APLP1: variants seen among roughly 807,000 people sequenced by gnomAD.
The protein encoded by APLP1 is amyloid beta precursor like protein 1.
In APLP1, 46 loss-of-function variants were observed where a neutral mutation model predicts 84.5. That is an observed-to-expected ratio of 0.54 (90% CI 0.43 to 0.70). The LOEUF (loss-of-function observed/expected upper bound fraction) is 0.70, where lower values mean the gene tolerates loss of function less well. APLP1 is among the 30% of genes least tolerant of loss of function. The probability of loss-of-function intolerance (pLI) is 0.00; values close to 1 mark genes in which losing one functional copy is unlikely to be tolerated. For missense variants in APLP1, 826 were observed against 900.2 expected (o/e 0.92, Z 1.05); for synonymous variants, 376 against 364.0 (o/e 1.03, Z -0.38).
chr19:35,872,284 G>A (rs1357745394), intron 6 of APLP1, among the ~76,000 whole-genome samples, 199 bp from the exon 7 acceptor site: 1 of 152,116 alleles, frequency 6.6e-6, no homozygotes, highest in Non-Finnish European at 1.5e-5. Flanking sequence ...GGAAAGCTTG[G>A]AAGATGGTGT....
intron 5 of APLP1, 32 bp downstream of exon 5, chr19:35,871,777 C>T (rs1599883819): frequency 6.2e-7 from 1 of 1,613,870 alleles, no homozygotes; most frequent in Non-Finnish European, 8.5e-7. Flanking sequence ...ATGCCCATCT[C>T]AAGGTTCCTG....
rs1974214812 is a variant in APLP1 at position 35,873,710 on chromosome 19, T to C, written c.1053T>C (p.Asn351=). 1 of 1,613,990 alleles carries C rather than the reference T, an allele frequency of 6.2e-7. No individual in the cohort carries two copies. Among genetic ancestry groups the C allele is most frequent in the African/African-American group, 1.3e-5 (1 of 75,044 alleles). Residue 351 remains asparagine, a synonymous_variant, in exon 8 of 17, where the codon AAT becomes AAC. Coordinates refer to ENST00000221891, the MANE Select transcript of APLP1 (RefSeq NM_001024807.3). ...CTAAAGCCGACAGACAGGCCCTGAA[T>C]GAGGTAGGACAGCCCCAGTGGGTCC... ...NLPKADRQAL[N]EHFQSILQTL... is the part of the protein sequence containing the mutation.
rs764460738 is a variant in APLP1, at chr19:35,878,565, A to C, written c.1580-19A>C. ...TGTCTAAAGAAAAAAAAAAAGAATG[A>C]GATCAGACTTGGGGGTAGGGTCCAC... On this transcript the variant is annotated intron_variant, in intron 13 of 16. Coordinates refer to ENST00000221891, the MANE Select transcript of APLP1 (RefSeq NM_001024807.3). 21 of 1,610,492 alleles carry C rather than the reference A, an allele frequency of 1.3e-5. No homozygotes were observed. Among genetic ancestry groups the C allele is most frequent in the South Asian group, 3.3e-5 (3 of 90,350 alleles).
intron 11 of APLP1, 98 bp downstream of exon 11, chr19:35,876,714 C>CAA (rs1974289326): frequency 1.0e-6 from 1 of 955,028 alleles, no homozygotes; most frequent in Non-Finnish European, 1.5e-6. Flanking sequence ...TCCTCTATAA[C>CAA]AAACAGCCCA....
At chr19:35,873,560 A>G in intron 7 of APLP1, 79 bp from the exon 8 acceptor site, 7 of 1,465,920 alleles carry the variant, frequency 4.8e-6, no homozygotes, top group Non-Finnish European at 6.6e-6. Flanking sequence ...GGGCTTCTAA[A>G]ATCTTAAAGA....
In APLP1 at chr19:35,868,646, G is replaced by T. The variant is rs7249156; in HGVS notation, c.10G>T (p.Ala4Ser). The T allele has an allele frequency of 2.8e-5, 39 of 1,371,556 alleles. No individual in the cohort carries two copies. In the East Asian group the frequency reaches 8.1e-4, roughly 28 times the overall value. The allele number at this position is 1,371,556 out of a possible 1,614,324, so 85.0% of individuals were successfully genotyped here. Reference sequence around the variant, plus strand: ...GCGCAAGGGCCGGGACATGGGGCCCGCCAGCCCCGCTGCTCGCGGTCTAAG... The same window carrying T: ...GCGCAAGGGCCGGGACATGGGGCCCTCCAGCCCCGCTGCTCGCGGTCTAAG... Reference protein sequence around the residue: MGPASPAARGLSRR... With the variant: MGPSSPAARGLSRR... The change falls in exon 1 of 17, where the codon GCC becomes TCC. Residue 4 changes from alanine (A) to serine (S), a missense_variant. By Grantham distance (99) the Ala-to-Ser change is moderately conservative. Transcript: ENST00000221891. The surrounding 1 kb of genome is among the most constrained non-coding windows in gnomAD (Gnocchi z 5.2).
intron 10 of APLP1, among the ~76,000 whole-genome samples, chr19:35,875,520 T>C (rs1418837017): frequency 1.3e-5 from 2 of 152,146 alleles, no homozygotes; most frequent in African/African-American, 4.8e-5. Flanking sequence ...GAGACAGGGT[T>C]TCACCATACT....
At chr19:35,873,528 T>C in intron 7 of APLP1, 111 bp from the exon 8 acceptor site, 1 of 1,049,606 alleles carries the variant, frequency 9.5e-7, no homozygotes, top group Admixed American at 2.0e-5. Flanking sequence ...ATTACAGGCA[T>C]GAGCCACTGC....
At chr19:35,878,697 C>G (rs755868496) in intron 14 of APLP1, 43 bp downstream of exon 14, 7 of 1,607,534 alleles carry the variant, frequency 4.4e-6, no homozygotes, top group African/African-American at 1.3e-5. Flanking sequence ...GGAACAAGAT[C>G]GGGGCCTATA....
intron 10 of APLP1, among the ~76,000 whole-genome samples, chr19:35,876,259 C>G (rs1445462392): frequency 6.6e-6 from 1 of 152,164 alleles, no homozygotes; most frequent in African/African-American, 2.4e-5. Flanking sequence ...TTGCCTTGAA[C>G]CATGTCATTT....
Position 35,878,635 on chromosome 19 carries a change from T to C in APLP1, c.1631T>C (p.Leu544Pro). The change falls in exon 14 of 17, where the codon CTG becomes CCG. Residue 544 changes from leucine to proline, a missense_variant. Leu to Pro is a moderately conservative substitution (Grantham distance 98). Transcript: ENST00000221891. ...ASPEKEKMNP[L>P]EQYERKVNAS... ...CCTGAGAAAGAGAAGATGAACCCGC[T>C]GGAACAGTATGAGCGAAAGGTAAGT... is the stretch of plus-strand genomic sequence containing the variant. 6.2e-7 allele frequency: 1 copy of C among 1,613,916 alleles called. No individual in the cohort carries two copies. The highest frequency in any genetic ancestry group is 1.7e-5 in the Admixed American group (1 of 60,010).
At chr19:35,877,286 C>T (rs1414322937) in intron 11 of APLP1, among the ~76,000 whole-genome samples, 2 of 151,962 alleles carry the variant, frequency 1.3e-5, no homozygotes, top group East Asian at 1.9e-4. Flanking sequence ...GTCAGGAGTT[C>T]GAGACCAGCC....
In APLP1 at chr19:35,874,536, G is replaced by A. The variant is rs1249863973; in HGVS notation, c.1089G>A (p.Glu363=). The change falls in exon 9 of 17, where the codon GAG becomes GAA. Residue 363 remains glutamate (E), a synonymous_variant. Transcript: ENST00000221891. This position sits in a 1 kb window ranked among gnomAD's most constrained non-coding sequence, Gnocchi z 6.4. The stretch of plus-strand genomic sequence containing the variant: ...AGTCCATTCTGCAGACTCTGGAGGA[G>A]CAGGTGTCTGGTGAGCGACAGCGCC... ...HFQSILQTLE[E]QVSGERQRLV... 1 of 1,614,238 alleles carries A rather than the reference G, an allele frequency of 6.2e-7. No homozygotes were observed. Among genetic ancestry groups the A allele is most frequent in the Non-Finnish European group, 8.5e-7 (1 of 1,180,048 alleles).
At chr19:35,872,167 A>G (rs1974171622) in intron 6 of APLP1, 131 bp downstream of exon 6, 1 of 1,213,680 alleles carries the variant, frequency 8.2e-7, no homozygotes, top group Admixed American at 2.6e-5. Flanking sequence ...AGACGAGAGT[A>G]TCTTTGGATA....
chr19:35,876,473 A>AACTGAGGAAAAACTGAT (rs1203033525), intron 10 of APLP1, 44 bp from the exon 11 acceptor site: 2 of 1,532,740 alleles, frequency 1.3e-6, no homozygotes, highest in African/African-American at 2.7e-5. Context: ...CCTCATCTCC[A>AACTGAGGAAAAACTGAT]GCCTGCATTG....
chr19:35,873,487 T>C, intron 7 of APLP1, 152 bp from the exon 8 acceptor site: 1 of 687,804 alleles, frequency 1.5e-6, no homozygotes, highest in East Asian at 2.8e-5. Context: ...GACCTTGTGA[T>C]CCACCCACCT....
At chr19:35,876,662 G>A (rs745934878) in intron 11 of APLP1, 46 bp downstream of exon 11, 17 of 1,470,408 alleles carry the variant, frequency 1.2e-5, no homozygotes. Flanking sequence ...TCTGAGGGCA[G>A]ATCTTGACTC....
At chr19:35,869,043 A>G in intron 1 of APLP1, 1 of 344,402 alleles carries the variant, frequency 2.9e-6, no homozygotes, top group Non-Finnish European at 5.2e-6. Context: ...CCCTCTCCAG[A>G]CCCAGGTGAC....
chr19:35,871,792 A>C, intron 5 of APLP1, 47 bp downstream of exon 5: 1 of 1,613,372 alleles, frequency 6.2e-7, no homozygotes, highest in Non-Finnish European at 8.5e-7. Flanking sequence ...TTCCTGAGGC[A>C]GGGGATGGAA....
Sources: gnomAD v4.1 joint callset for allele counts (sites outside exome capture counted in the v4.1 genomes callset) on GRCh38, gnomAD v4.1.1 for gene constraint, Gnocchi (gnomAD v3.1) non-coding constraint, MANE v1.5 for transcripts, NCBI Gene and HGNC (gene_info 2026-07-23, HGNC 2026-07-21) for gene names.